The following WFIKKN2 variants were observed in gnomAD, a reference collection of about 807,000 sequenced individuals.
WFIKKN2 encodes the protein WAP, follistatin/kazal, immunoglobulin, kunitz and netrin domain containing 2.
WFIKKN2 carries 25 observed loss-of-function variants against 39.2 expected under a neutral mutation model. The observed-to-expected ratio is 0.64, with a 90% CI of 0.47 to 0.89. The LOEUF is 0.89. WFIKKN2 is among the 40% of genes least tolerant of loss of function. WFIKKN2 has a pLI of 0.00. For missense variants in WFIKKN2, 770 were observed against 811.7 expected (o/e 0.95, Z 0.62); for synonymous variants, 345 against 329.7 (o/e 1.05, Z -0.50).
At chr17:50,838,766 G>C (rs1227237417) in intron 1 of WFIKKN2, among the ~76,000 whole-genome samples, 1 of 152,180 alleles carries the variant, frequency 6.6e-6, no homozygotes, top group East Asian at 1.9e-4. Context: ...TGTGGGGCCC[G>C]TCACGCCTGC....
intron 1 of WFIKKN2, among the ~76,000 whole-genome samples, chr17:50,837,759 G>A (rs1387209058): frequency 6.6e-6 from 1 of 152,266 alleles, no homozygotes; most frequent in African/African-American, 2.4e-5. Flanking sequence ...CAATGGTGGT[G>A]CCAAGTGAAA....
At position 50,840,152 on chromosome 17, in the gene WFIKKN2, G is replaced by C. The variant is rs754037522; in HGVS notation, c.864G>C (p.Thr288=). 1.2e-6 allele frequency: 2 copies of C among 1,613,836 alleles called. No individual in the cohort carries two copies. Among genetic ancestry groups the C allele is most frequent in the Non-Finnish European group, 1.7e-6 (2 of 1,179,996 alleles). Residue 288 remains threonine, a synonymous_variant, in exon 2 of 2, where the codon ACG becomes ACC. Transcript: ENST00000311378. ...QLQDAGIYTC[T]ARNVAGVLRA... is the part of the protein sequence containing the mutation. ...AGGATGCTGGGATCTACACCTGCACGGCCCGGAACGTGGCTGGGGTCCTGA... is the reference window on the plus strand; with the variant it reads ...AGGATGCTGGGATCTACACCTGCACCGCCCGGAACGTGGCTGGGGTCCTGA...
At chr17:50,837,722 C>G (rs1971977372) in intron 1 of WFIKKN2, among the ~76,000 whole-genome samples, 1 of 152,208 alleles carries the variant, frequency 6.6e-6, no homozygotes, top group Admixed American at 6.5e-5. Flanking sequence ...AATTCTTAGG[C>G]CTCCCAGGAC....
intron 1 of WFIKKN2, among the ~76,000 whole-genome samples, chr17:50,838,587 G>A (rs1057272473): frequency 5.9e-5 from 9 of 152,186 alleles, no homozygotes; most frequent in Non-Finnish European, 1.3e-4. Flanking sequence ...AATGCTTTAC[G>A]TGGCTCCACA....
rs368368753 is a variant in WFIKKN2 at position 50,840,852 on chromosome 17, G to A, written c.1564G>A (p.Val522Met). The A allele has an allele frequency of 1.7e-5, 27 of 1,611,094 alleles. No individual in the cohort carries two copies. The highest frequency in any genetic ancestry group is 2.2e-5 in the East Asian group (1 of 44,764). The change falls in exon 2 of 2, where the codon GTG becomes ATG. Residue 522 changes from valine (V) to methionine (M), a missense_variant. Transcript: ENST00000311378. ...DWACPCPNVT[V>M]SEMPLIIMGE... ...GGCATGCCCCTGCCCCAACGTGACC[G>A]TGAGCGAGATGCCGCTCATCATCAT... is the stretch of plus-strand genomic sequence containing the variant.
rs1285747910 is a variant in WFIKKN2, at chr17:50,839,887, C to T, written c.599C>T (p.Pro200Leu). The T allele has an allele frequency of 1.2e-6, 2 of 1,614,084 alleles. No homozygotes were observed. The highest frequency in any genetic ancestry group is 1.1e-5 in the South Asian group (1 of 91,080). ...ETTMHPTTAS[P>L]ETPELDMAAP... ...ACCATGCACCCCACCACAGCCTCCCCAGAGACCCCTGAGCTGGACATGGCG... is the reference window on the plus strand; with the variant it reads ...ACCATGCACCCCACCACAGCCTCCCTAGAGACCCCTGAGCTGGACATGGCG... The change falls in exon 2 of 2, where the codon CCA becomes CTA. Residue 200 changes from proline to leucine, a missense_variant. Transcript: ENST00000311378.
chr17:50,839,076 C>T (rs1971996083), intron 1 of WFIKKN2, among the ~76,000 whole-genome samples: 1 of 152,240 alleles, frequency 6.6e-6, no homozygotes, highest in South Asian at 2.1e-4. Context: ...TCTGCCACTT[C>T]CCGTCTCTGT....
Position 50,840,314 on chromosome 17 carries a change from C to A in WFIKKN2, c.1026C>A (p.Thr342=), listed in dbSNP as rs778552604. ...PDSEDCGEEQ[T]RWHFDAQANN... is the part of the protein sequence containing the mutation. The stretch of plus-strand genomic sequence containing the variant: ...GTGAGGACTGTGGCGAAGAGCAGAC[C>A]CGCTGGCACTTCGATGCCCAGGCCA... Residue 342 remains threonine, a synonymous_variant, in exon 2 of 2, where the codon ACC becomes ACA. Coordinates refer to ENST00000311378, the MANE Select transcript of WFIKKN2 (RefSeq NM_175575.6). 3.7e-6 allele frequency: 6 copies of A among 1,614,128 alleles called. No individual in the cohort carries two copies. In the South Asian group the frequency reaches 6.6e-5, roughly 18 times the overall value.
At position 50,839,967 on chromosome 17, in the gene WFIKKN2, G is replaced by A; in HGVS notation, c.679G>A (p.Val227Met). Reference sequence around the variant, plus strand: ...CCAGTCGGTCACCATGGGTGAGACAGTGAGCTTCCTCTGTGATGTGGTGGG... The same window carrying A: ...CCAGTCGGTCACCATGGGTGAGACAATGAGCTTCCTCTGTGATGTGGTGGG... Reference protein sequence around the residue: ...VHQSVTMGETVSFLCDVVGRP... With the variant: ...VHQSVTMGETMSFLCDVVGRP... The change falls in exon 2 of 2, where the codon GTG becomes ATG. Residue 227 changes from valine (V) to methionine (M), a missense_variant. Physicochemically the swap from Val to Met is conservative, Grantham distance 21. Transcript: ENST00000311378. The A allele has an allele frequency of 6.2e-7, 1 of 1,614,198 alleles. No homozygotes were observed. The highest frequency in any genetic ancestry group is 8.5e-7 in the Non-Finnish European group (1 of 1,179,996).
chr17:50,835,064 T>C (rs780445076), upstream of WFIKKN2: 1 of 152,052 alleles, frequency 6.6e-6, no homozygotes, highest in Non-Finnish European at 1.5e-5. Flanking sequence ...TGGGGAAAAT[T>C]AACTGAAGTT....
rs770655764 is a variant in WFIKKN2 at position 50,840,922 on chromosome 17, T to C, written c.1634T>C (p.Phe545Ser). 6.2e-7 allele frequency: 1 copy of C among 1,603,324 alleles called. No homozygotes were observed. The highest frequency in any genetic ancestry group is 1.1e-5 in the South Asian group (1 of 90,734). Residue 545 changes from phenylalanine to serine, a missense_variant, in exon 2 of 2, where the codon TTT (phenylalanine) becomes TCT (serine). By Grantham distance (155) the Phe-to-Ser change is radical. Coordinates refer to ENST00000311378, the MANE Select transcript of WFIKKN2 (RefSeq NM_175575.6). ...ATGGCCATGCTGCGCCCCGATAGCT[T>C]TGTGGGCGCATCGAGTGCCCGCCGG... ...GGMAMLRPDS[F>S]VGASSARRVR...
In WFIKKN2 at chr17:50,840,406, C is replaced by A. The variant is rs779524725; in HGVS notation, c.1118C>A (p.Ala373Asp). The A allele has an allele frequency of 4.3e-6, 7 of 1,613,980 alleles. No individual in the cohort carries two copies. The African/African-American group carries it at 8.0e-5, about 18-fold the overall frequency. Residue 373 changes from alanine (A) to aspartate (D), a missense_variant, in exon 2 of 2, where the codon GCC (alanine) becomes GAC (aspartate). Coordinates refer to ENST00000311378, the MANE Select transcript of WFIKKN2 (RefSeq NM_175575.6). ...CTCAACCACTTTGAGACCTATGAGG[C>A]CTGCATGCTGGCCTGCATGAGCGGG... ...RNLNHFETYE[A>D]CMLACMSGPL...
chr17:50,840,725 C>T lies in WFIKKN2; in HGVS notation c.1437C>T (p.Gly479=). ...VSELTEEPDS[G]RALVTVDEVL... is the part of the protein sequence containing the mutation. ...AGCTGACCGAGGAGCCTGACTCGGGCCGCGCCCTGGTGACTGTGGATGAGG... is the reference window on the plus strand; with the variant it reads ...AGCTGACCGAGGAGCCTGACTCGGGTCGCGCCCTGGTGACTGTGGATGAGG... Residue 479 remains glycine (G), a synonymous_variant, in exon 2 of 2, where the codon GGC becomes GGT. Coordinates refer to ENST00000311378, the MANE Select transcript of WFIKKN2 (RefSeq NM_175575.6). 6.2e-7 allele frequency: 1 copy of T among 1,613,974 alleles called. No homozygotes were observed.
Position 50,835,820 on chromosome 17 carries a change from C to A in WFIKKN2, c.-118C>A. The A allele has an allele frequency of 8.7e-7, 1 of 1,152,610 alleles. No homozygotes were observed. 71.4% of individuals were successfully genotyped at this position (1,152,610 alleles called of 1,614,324 possible). On this transcript the variant is annotated 5_prime_UTR_variant, in exon 1 of 2. Coordinates refer to ENST00000311378, the MANE Select transcript of WFIKKN2 (RefSeq NM_175575.6). ...AGAGCAGCCTGAGCAGCAGCCTGAG[C>A]AGGAAACCTGCTGGGGTGGGGAGGG...
chr17:50,839,760 T>A lies in WFIKKN2; in HGVS notation c.472T>A (p.Tyr158Asn). Reference sequence around the variant, plus strand: ...CGGCCTCACCTACTATAACCGCTGCTACATGGATGCCGAGGCCTGCTCCAA... The same window carrying A: ...CGGCCTCACCTACTATAACCGCTGCAACATGGATGCCGAGGCCTGCTCCAA... Reference protein sequence around the residue: ...SDGLTYYNRCYMDAEACSKGI... With the variant: ...SDGLTYYNRCNMDAEACSKGI... The change falls in exon 2 of 2, where the codon TAC becomes AAC. Residue 158 changes from tyrosine (Y) to asparagine (N), a missense_variant. Tyr to Asn is a moderately radical substitution (Grantham distance 143). Coordinates refer to ENST00000311378, the MANE Select transcript of WFIKKN2 (RefSeq NM_175575.6). 6.2e-7 allele frequency: 1 copy of A among 1,614,230 alleles called. No homozygotes were observed. The highest frequency in any genetic ancestry group is 2.2e-5 in the East Asian group (1 of 44,882).
rs1236430072 is a variant in WFIKKN2 at position 50,841,271 on chromosome 17, C to G, written c.*252C>G. 1 of 390,422 alleles carries G rather than the reference C, an allele frequency of 2.6e-6. No homozygotes were observed. Among genetic ancestry groups the G allele is most frequent in the African/African-American group, 2.0e-5 (1 of 49,694 alleles). The allele number at this position is 390,422 out of a possible 1,614,324, so 24.2% of individuals were successfully genotyped here. ...GTGGACACATGGAAGTTACTCGTGACCACCAGCTTGCTCAGATATTCTCCT... is the reference window on the plus strand; with the variant it reads ...GTGGACACATGGAAGTTACTCGTGAGCACCAGCTTGCTCAGATATTCTCCT... On this transcript the variant is annotated 3_prime_UTR_variant, in exon 2 of 2. Transcript: ENST00000311378.
rs1208838066 is a variant in WFIKKN2 at position 50,835,624 on chromosome 17, AG to A, written c.-313del. 2.6e-5 allele frequency: 10 copies of A among 385,642 alleles called. No homozygotes were observed. The highest frequency in any genetic ancestry group is 3.7e-5 in the Non-Finnish European group (8 of 215,450). The allele number at this position is 385,642 out of a possible 1,614,324, so 23.9% of individuals were successfully genotyped here. ...GCCTGCCTGTGACAGGCATCAGGTT[AG>A]CTGGCTCCCACTCGGGTGGCGCGCC... On this transcript the variant is annotated 5_prime_UTR_variant, in exon 1 of 2. Transcript: ENST00000311378.
At position 50,839,963 on chromosome 17, in the gene WFIKKN2, GAC is replaced by G. The variant is rs1197560349; in HGVS notation, c.677_678del (p.Thr226SerfsTer6). 2 of 1,614,026 alleles carry G rather than the reference GAC, an allele frequency of 1.2e-6. No homozygotes were observed. Among genetic ancestry groups the G allele is most frequent in the Non-Finnish European group, 1.7e-6 (2 of 1,179,990 alleles). On this transcript the variant is annotated frameshift_variant, in exon 2 of 2. Transcript: ENST00000311378. LOFTEE classifies it high-confidence loss of function. ...TGCACCAGTCGGTCACCATGGGTGA[GAC>G]AGTGAGCTTCCTCTGTGATGTGGTG... The part of the protein sequence containing the change: ...PVHQSVTMGE[T>X]VSFLCDVVGR...
intron 1 of WFIKKN2, among the ~76,000 whole-genome samples, chr17:50,836,534 C>T (rs1187383386): frequency 8.1e-6 from 1 of 123,864 alleles, no homozygotes; most frequent in Non-Finnish European, 1.7e-5. Context: ...GAGTGGGATC[C>T]AGAAGCTGGA....
Sources: allele counts gnomAD v4.1 joint callset (sites outside exome capture counted in the v4.1 genomes callset), GRCh38; gene constraint gnomAD v4.1.1; transcripts MANE v1.5; gene names NCBI Gene and HGNC (gene_info 2026-07-23, HGNC 2026-07-21).